The following TJAP1 variants were observed in gnomAD, a reference collection of about 807,000 sequenced individuals.
The protein encoded by TJAP1 is tight junction-associated protein 1.
In TJAP1, 27 loss-of-function variants were observed where a neutral mutation model predicts 42.0. The ratio of observed to expected loss-of-function variants is 0.64; its 90% confidence interval spans 0.47 to 0.89. The LOEUF (loss-of-function observed/expected upper bound fraction) is 0.89, where lower values mean the gene tolerates loss of function less well. TJAP1 is among the 40% of genes least tolerant of loss of function. The pLI is 0.00. For missense variants in TJAP1, 712 were observed against 726.9 expected (o/e 0.98, Z 0.24); for synonymous variants, 257 against 288.4 (o/e 0.89, Z 1.10).
rs1175154428 is a variant in TJAP1 at position 43,501,370 on chromosome 6, T to C, written c.129-156T>C. On this transcript the variant is annotated intron_variant, in intron 5 of 10. Coordinates refer to ENST00000372449, the Ensembl canonical transcript of TJAP1. The stretch of plus-strand genomic sequence containing the variant: ...CCAGGGCCAGCAGGCCTATGAAATA[T>C]GCTGCCTTAGACTCAGACTAAGACT... The C allele has an allele frequency of 5.9e-6, 4 of 673,048 alleles. No individual in the cohort carries two copies. The Admixed American group carries it at 8.8e-5, about 15-fold the overall frequency. 41.7% of individuals were successfully genotyped at this position (673,048 alleles called of 1,614,324 possible). A position where few individuals can be genotyped will look rare whatever the true frequency, so the allele number is the denominator to read the frequency against.
At position 43,505,908 on chromosome 6, in the gene TJAP1, A is replaced by C. The variant is rs1056199588; in HGVS notation, c.*53A>C. On this transcript the variant is annotated 3_prime_UTR_variant, in exon 11 of 11. Coordinates refer to ENST00000372449, the Ensembl canonical transcript of TJAP1. This position sits in a 1 kb window ranked among gnomAD's most constrained non-coding sequence, Gnocchi z 5.5. ...TGCACCAGGACTGCAAGGAGTCCCC[A>C]CACCTTGGCAGCTCAGGGTCCCCAG... 2.1e-6 allele frequency: 3 copies of C among 1,421,408 alleles called. No homozygotes were observed. The Admixed American group carries it at 8.7e-5, about 41-fold the overall frequency. The allele number at this position is 1,421,408 out of a possible 1,614,324, so 88.0% of individuals were successfully genotyped here.
Position 43,504,744 on chromosome 6 carries a change from C to G in TJAP1, c.580-17C>G, listed in dbSNP as rs1791864933. On this transcript the variant is annotated splice_polypyrimidine_tract_variant and intron_variant, in intron 10 of 10. Coordinates refer to ENST00000372449, the Ensembl canonical transcript of TJAP1. ...CTGCGATCATTGATGTCTCTCTTTC[C>G]TGCTCTTTTACCTCAGCTGCCCTGT... The G allele has an allele frequency of 6.2e-7, 1 of 1,603,428 alleles. No homozygotes were observed. The highest frequency in any genetic ancestry group is 8.5e-7 in the Non-Finnish European group (1 of 1,172,512).
At chr6:43,501,120 G>A in intron 5 of TJAP1, 1 of 392,374 alleles carries the variant, frequency 2.5e-6, no homozygotes, top group Non-Finnish European at 4.6e-6. Context: ...GGGCAGTGCT[G>A]GGCTGGATTT....
At chr6:43,506,029 T>C (rs1483415781) in exon 11 of TJAP1, 2 of 529,774 alleles carry the variant, frequency 3.8e-6, no homozygotes, top group Admixed American at 3.8e-5. Context: ...GTCAGCTGCG[T>C]TGACTGACTG....
At chr6:43,483,433 T>C (rs1785740365) in intron 2 of TJAP1, among the ~76,000 whole-genome samples, 1 of 152,256 alleles carries the variant, frequency 6.6e-6, no homozygotes, top group South Asian at 2.1e-4. Flanking sequence ...AGCTCCTTTG[T>C]CACCTCCAGT....
intron 2 of TJAP1, chr6:43,497,434 GCTAGGTGCTCTCTTTC>G (rs991343577): frequency 3.9e-5 from 6 of 152,244 alleles, no homozygotes; most frequent in Non-Finnish European, 8.8e-5. Flanking sequence ...TTCTGGAAAT[GCTAGGTGCTCTCTTTC>G]CATCATTTTC....
At chr6:43,501,297 C>A in intron 5 of TJAP1, 1 of 554,996 alleles carries the variant, frequency 1.8e-6, no homozygotes, top group Non-Finnish European at 3.2e-6. Flanking sequence ...TGGACTGTCC[C>A]CTACCATCCC....
chr6:43,502,350 G>T lies in TJAP1; in HGVS notation c.357+1G>T. ...GTTGGAGGACAAGCTGCACACACTG[G>T]TAATCTGTCTGGGAGGGCAGCTTGG... On this transcript the variant is annotated splice_donor_variant, in intron 7 of 10. Transcript: ENST00000372449. LOFTEE classifies it high-confidence loss of function. The T allele has an allele frequency of 4.3e-6, 7 of 1,613,542 alleles. No homozygotes were observed. Among genetic ancestry groups the T allele is most frequent in the Non-Finnish European group, 5.9e-6 (7 of 1,179,964 alleles).
chr6:43,499,208 G>C, intron 4 of TJAP1, 108 bp downstream of exon 4: 1 of 1,530,100 alleles, frequency 6.5e-7, no homozygotes, highest in Non-Finnish European at 8.8e-7. Flanking sequence ...TGGGGTGAGA[G>C]TGGGCCTTGC....
Position 43,505,525 on chromosome 6 carries a change from T to C in TJAP1, c.1344T>C (p.His448=). The C allele has an allele frequency of 6.2e-7, 1 of 1,613,898 alleles. No individual in the cohort carries two copies. The highest frequency in any genetic ancestry group is 8.5e-7 in the Non-Finnish European group (1 of 1,180,020). ...CTGAGCTGCAGCGCCATTTTGCCCATAGCCCCGCTGACAGAGATGAGGTGG... is the reference window on the plus strand; with the variant it reads ...CTGAGCTGCAGCGCCATTTTGCCCACAGCCCCGCTGACAGAGATGAGGTGG... Residue 448 remains histidine (H), a synonymous_variant, in exon 11 of 11, where the codon CAT becomes CAC. Coordinates refer to ENST00000372449, the Ensembl canonical transcript of TJAP1. The surrounding 1 kb of genome is among the most constrained non-coding windows in gnomAD (Gnocchi z 5.5).
chr6:43,502,161 A>G lies in TJAP1; in HGVS notation c.291-122A>G, dbSNP rs1187855173. ...ATGCCTTAGAGATCATCTAATTCCT[A>G]TTAGAAAACTGAAGTTCTTGAGGGA... On this transcript the variant is annotated intron_variant, in intron 6 of 10. Transcript: ENST00000372449. 4.6e-6 allele frequency: 4 copies of G among 873,346 alleles called. No homozygotes were observed. In the African/African-American group the frequency reaches 5.0e-5, roughly 11 times the overall value. The allele number at this position is 873,346 out of a possible 1,614,324, so 54.1% of individuals were successfully genotyped here. A position where few individuals can be genotyped will look rare whatever the true frequency, so the allele number is the denominator to read the frequency against.
At chr6:43,490,479 T>C (rs1188841979) in intron 2 of TJAP1, among the ~76,000 whole-genome samples, 1 of 152,206 alleles carries the variant, frequency 6.6e-6, no homozygotes, top group Non-Finnish European at 1.5e-5. Flanking sequence ...ATTTCCTCCC[T>C]TTATCAAGAA....
At chr6:43,484,101 TG>T (rs766731834) in intron 2 of TJAP1, among the ~76,000 whole-genome samples, 5 of 151,554 alleles carry the variant, frequency 3.3e-5, no homozygotes, top group Non-Finnish European at 7.4e-5. Context: ...AAATAAAATA[TG>T]GGTGACATCT....
Position 43,505,245 on chromosome 6 carries a change from G to T in TJAP1, c.1064G>T (p.Arg355Leu). The stretch of plus-strand genomic sequence containing the variant: ...CTGCCCAACTGCACTTACGCTACCC[G>T]CCAGGCCATTTCCCTGAGCCTGGTA... Residue 355 changes from arginine (R) to leucine (L), a missense_variant, in exon 11 of 11, where the codon CGC becomes CTC. By Grantham distance (102) the Arg-to-Leu change is moderately radical. This residue lies in a region of TJAP1 where 549 missense variants were observed against 528.2 expected (regional missense o/e 1.04). Transcript: ENST00000372449. This position sits in a 1 kb window ranked among gnomAD's most constrained non-coding sequence, Gnocchi z 5.5. 6.2e-7 allele frequency: 1 copy of T among 1,613,832 alleles called. No individual in the cohort carries two copies. The highest frequency in any genetic ancestry group is 8.5e-7 in the Non-Finnish European group (1 of 1,179,950).
At chr6:43,490,178 A>G (rs1186317723) in intron 2 of TJAP1, among the ~76,000 whole-genome samples, 3 of 151,616 alleles carry the variant, frequency 2.0e-5, no homozygotes, top group Non-Finnish European at 2.9e-5. Flanking sequence ...GCGTCCCTCT[A>G]TTTTCCCAGT....
rs773098103 is a variant in TJAP1 at position 43,504,722 on chromosome 6, C to T, written c.580-39C>T. ...CCATGAGTCAAGTTATCTTTGGCTG[C>T]GATCATTGATGTCTCTCTTTCCTGC... On this transcript the variant is annotated intron_variant, in intron 10 of 10. Coordinates refer to ENST00000372449, the Ensembl canonical transcript of TJAP1. 3.1e-5 allele frequency: 50 copies of T among 1,587,324 alleles called. No individual in the cohort carries two copies. In the East Asian group the frequency reaches 9.4e-4, roughly 30 times the overall value.
At chr6:43,499,606 G>C (rs986032247) in intron 4 of TJAP1, among the ~76,000 whole-genome samples, 1 of 152,218 alleles carries the variant, frequency 6.6e-6, no homozygotes, top group African/African-American at 2.4e-5. Flanking sequence ...GCCAGGAACT[G>C]TTAGGTCCGG....
intron 2 of TJAP1, among the ~76,000 whole-genome samples, chr6:43,479,263 G>A (rs1390760090): frequency 6.6e-6 from 1 of 152,134 alleles, no homozygotes; most frequent in East Asian, 1.9e-4. Flanking sequence ...TTCATTTACT[G>A]TCTGCTCTGT....
chr6:43,505,566 C>T lies in TJAP1; in HGVS notation c.1385C>T (p.Ala462Val). The change falls in exon 11 of 11, where the codon GCC (alanine) becomes GTC (valine). Residue 462 changes from alanine (A) to valine (V), a missense_variant. Physicochemically the swap from Ala to Val is moderately conservative, Grantham distance 64. Around this residue, in one of 3 missense-constraint regions of TJAP1, gnomAD observed 549 missense variants for 528.2 expected, o/e 1.04. Transcript: ENST00000372449. The surrounding 1 kb of genome is among the most constrained non-coding windows in gnomAD (Gnocchi z 5.5). ...GATGAGGTGGTCCAGGCACCTTCTG[C>T]CCGACCCGAAGAGAGTGAGCTTTTG... 1 of 1,613,760 alleles carries T rather than the reference C, an allele frequency of 6.2e-7. No homozygotes were observed.
Sources: allele counts gnomAD v4.1 joint callset (sites outside exome capture counted in the v4.1 genomes callset), GRCh38; gene constraint gnomAD v4.1.1; regional missense constraint gnomAD v4.1.1; non-coding constraint Gnocchi (gnomAD v3.1); transcripts MANE v1.5; gene names NCBI Gene and HGNC (gene_info 2026-07-23, HGNC 2026-07-21).